Variants in LAMA2 observed in about 807,000 individuals in gnomAD.
LAMA2 encodes the protein laminin subunit alpha-2.
Under a neutral mutation model 364.8 loss-of-function variants are expected in LAMA2, and 269 were observed. The ratio of observed to expected loss-of-function variants is 0.74; its 90% CI spans 0.67 to 0.82. The LOEUF (loss-of-function observed/expected upper bound fraction) is 0.82, where lower values mean the gene tolerates loss of function less well. Ranked by LOEUF, LAMA2 falls within the 40% of genes least tolerant of loss-of-function variation. LAMA2 has a pLI of 0.00. For synonymous variants in LAMA2, 1,379 were observed against 1,370.6 expected (o/e 1.01, Z -0.14); for missense variants, 3,807 against 3,873.2 (o/e 0.98, Z 0.45).
At chr6:129,274,944 A>T (rs889253459) in intron 17 of LAMA2, among the ~76,000 whole-genome samples, 1 of 152,044 alleles carries the variant, frequency 6.6e-6, no homozygotes, top group Admixed American at 6.6e-5. Context: ...ATAGATTTTC[A>T]TCAGTTATAT....
chr6:128,938,533 C>A (rs758831653), intron 1 of LAMA2, among the ~76,000 whole-genome samples: 3 of 152,132 alleles, frequency 2.0e-5, no homozygotes, highest in Non-Finnish European at 2.9e-5. Flanking sequence ...TTTTTTAAAT[C>A]TAGCACAAGG....
At chr6:129,236,215 C>T (rs1009010479) in intron 12 of LAMA2, among the ~76,000 whole-genome samples, 9 of 152,206 alleles carry the variant, frequency 5.9e-5, no homozygotes, top group Non-Finnish European at 2.9e-5. Context: ...ACAGTAGAGA[C>T]GATGCTGTTA....
rs750462615 is a variant in LAMA2, at chr6:129,328,308, T to C, written c.4207T>C (p.Ser1403Pro). 2.5e-6 allele frequency: 4 copies of C among 1,614,188 alleles called. No homozygotes were observed. Among genetic ancestry groups the C allele is most frequent in the Non-Finnish European group, 3.4e-6 (4 of 1,180,022 alleles). ...ACLPGFYRLR[S>P]QPGGRTPGPT... ...CTTGCCGGGATTTTATCGACTGCGT[T>C]CTCAACCAGGTGGCCGCACCCCTGG... The change falls in exon 29 of 65, where the codon TCT becomes CCT. Residue 1403 changes from serine (S) to proline (P), a missense_variant. Ser to Pro is a moderately conservative substitution (Grantham distance 74, BLOSUM62 -1). Transcript: ENST00000421865.
chr6:129,288,335 CT>C (rs1789429635), intron 19 of LAMA2, among the ~76,000 whole-genome samples: 1 of 151,952 alleles, frequency 6.6e-6, no homozygotes, highest in East Asian at 1.9e-4. Context: ...TTTTAATGAA[CT>C]TATGTCCACA....
chr6:128,998,367 A>T (rs928459236), intron 1 of LAMA2, among the ~76,000 whole-genome samples: 2 of 152,162 alleles, frequency 1.3e-5, no homozygotes, highest in Non-Finnish European at 1.5e-5. Flanking sequence ...ATTGTTTCTA[A>T]GTCAGAAGTA....
intron 1 of LAMA2, among the ~76,000 whole-genome samples, chr6:129,045,336 T>C (rs1476953517): frequency 1.3e-5 from 2 of 152,172 alleles, no homozygotes; most frequent in Non-Finnish European, 2.9e-5. Context: ...AATGGCATGG[T>C]GAGGGATAAG....
chr6:129,445,618 T>TGCA (rs770267074), intron 44 of LAMA2, 49 bp from the exon 45 acceptor site: 7 of 1,497,412 alleles, frequency 4.7e-6, no homozygotes, highest in African/African-American at 1.4e-5. Context: ...ATTCTGTGTG[T>TGCA]GCACGTGTGT....
At chr6:129,073,115 A>G (rs1213047995) in intron 3 of LAMA2, among the ~76,000 whole-genome samples, 1 of 151,962 alleles carries the variant, frequency 6.6e-6, no homozygotes, top group East Asian at 1.9e-4. Flanking sequence ...TTTTCCACCA[A>G]GTATAAAGTA....
At chr6:129,043,481 A>G (rs1000954328) in intron 1 of LAMA2, among the ~76,000 whole-genome samples, 1 of 151,902 alleles carries the variant, frequency 6.6e-6, no homozygotes, top group Non-Finnish European at 1.5e-5. Context: ...CACAGAATTT[A>G]TATTCAATAT....
At chr6:129,288,617 T>C (rs1159009818) in intron 19 of LAMA2, among the ~76,000 whole-genome samples, 1 of 152,204 alleles carries the variant, frequency 6.6e-6, no homozygotes, top group Non-Finnish European at 1.5e-5. Flanking sequence ...TTAAGGACTA[T>C]TTCTAGAATG....
chr6:129,245,205 C>T (rs1288805069), intron 12 of LAMA2, among the ~76,000 whole-genome samples: 1 of 152,108 alleles, frequency 6.6e-6, no homozygotes, highest in Non-Finnish European at 1.5e-5. Context: ...ATGGAATGAA[C>T]CGCTCTCACT....
chr6:129,326,458 T>A (rs1194424009), intron 28 of LAMA2, among the ~76,000 whole-genome samples: 1 of 152,060 alleles, frequency 6.6e-6, no homozygotes, highest in Non-Finnish European at 1.5e-5. Flanking sequence ...AACTGTACAA[T>A]TCCTCGATGA....
At chr6:129,007,393 GTATGCC>G (rs986899650) in intron 1 of LAMA2, among the ~76,000 whole-genome samples, 3 of 152,132 alleles carry the variant, frequency 2.0e-5, no homozygotes, top group African/African-American at 4.8e-5. Flanking sequence ...CAGATAGATT[GTATGCC>G]TGCTACATAG....
intron 23 of LAMA2, among the ~76,000 whole-genome samples, chr6:129,313,678 CAGAT>C (rs940230824): frequency 3.3e-5 from 5 of 152,126 alleles, no homozygotes; most frequent in African/African-American, 9.7e-5. Flanking sequence ...TTTTTCCCCT[CAGAT>C]AGTTCTGAAA....
chr6:129,152,701 G>A (rs1778879256), intron 7 of LAMA2, among the ~76,000 whole-genome samples: 1 of 152,120 alleles, frequency 6.6e-6, no homozygotes, highest in Non-Finnish European at 1.5e-5. Flanking sequence ...TCTAACATTA[G>A]AGCGCCTCCC....
intron 12 of LAMA2, among the ~76,000 whole-genome samples, chr6:129,246,734 G>C (rs1785778100): frequency 6.6e-6 from 1 of 152,142 alleles, no homozygotes; most frequent in African/African-American, 2.4e-5. Flanking sequence ...GTAAACGTTA[G>C]GATACTGAAG....
chr6:129,498,315 T>A (rs1427651020), intron 58 of LAMA2, among the ~76,000 whole-genome samples: 2 of 152,204 alleles, frequency 1.3e-5, no homozygotes, highest in East Asian at 3.8e-4. Context: ...GAAAGCGATT[T>A]CCCTAGCAGC....
In LAMA2 at chr6:129,465,177, G is replaced by A. The variant is rs766756624; in HGVS notation, c.7188G>A (p.Gly2396=). ...RDFMSVELTD[G]HIKVSYDLGS... Reference sequence around the variant, plus strand: ...TCATGAGTGTGGAGCTCACTGATGGGCACATAAAAGTCAGTTACGATCTGG... The same window carrying A: ...TCATGAGTGTGGAGCTCACTGATGGACACATAAAAGTCAGTTACGATCTGG... The change falls in exon 51 of 65, where the codon GGG becomes GGA. Residue 2396 remains glycine, a synonymous_variant. Coordinates refer to ENST00000421865, the MANE Select transcript of LAMA2 (RefSeq NM_000426.4). 10 of 1,610,806 alleles carry A rather than the reference G, an allele frequency of 6.2e-6. 1 individual carries two copies. In the South Asian group the frequency reaches 1.1e-4, roughly 18 times the overall value.
chr6:129,141,634 A>T (rs1271781368), intron 4 of LAMA2, among the ~76,000 whole-genome samples: 2 of 152,190 alleles, frequency 1.3e-5, no homozygotes, highest in East Asian at 3.9e-4. Flanking sequence ...CCCTGGGATT[A>T]TCTAAATGCA....
Sources: allele counts gnomAD v4.1 joint callset (sites outside exome capture counted in the v4.1 genomes callset), GRCh38; gene constraint gnomAD v4.1.1; transcripts MANE v1.5; gene names NCBI Gene and HGNC (gene_info 2026-07-23, HGNC 2026-07-21).